FER: variants seen among roughly 807,000 people sequenced by gnomAD.
FER encodes the protein tyrosine-protein kinase Fer.
Under a neutral mutation model 111.0 loss-of-function variants are expected in FER, and 63 were observed. The observed-to-expected ratio is 0.57, with a 90% confidence interval of 0.46 to 0.70. The LOEUF is 0.70. FER is among the 30% of genes least tolerant of loss of function. The pLI is 0.00. For missense variants in FER, 914 were observed against 954.0 expected, an observed-to-expected ratio of 0.96 and a Z score of 0.55; for synonymous variants, 327 against 313.9, an observed-to-expected ratio of 1.04 and a Z score of -0.44.
At chr5:108,954,461 G>A (rs1034331463) in intron 11 of FER, among the ~76,000 whole-genome samples, 1 of 152,008 alleles carries the variant, frequency 6.6e-6, no homozygotes. Context: ...TTTAGGACAT[G>A]GTGAATAAGA....
chr5:108,972,397 G>T (rs1289906085), intron 13 of FER, among the ~76,000 whole-genome samples: 1 of 152,080 alleles, frequency 6.6e-6, no homozygotes, highest in East Asian at 1.9e-4. Context: ...ACACTTCTGA[G>T]GCAGAACATC....
intron 4 of FER, among the ~76,000 whole-genome samples, chr5:108,835,284 C>T (rs1019618447): frequency 1.4e-5 from 2 of 140,950 alleles, no homozygotes; most frequent in African/African-American, 2.6e-5. Flanking sequence ...CAGGTTCAAG[C>T]GATTCTTGTG....
intron 13 of FER, among the ~76,000 whole-genome samples, chr5:109,015,998 T>G (rs950769504): frequency 5.9e-5 from 9 of 151,942 alleles, no homozygotes; most frequent in Non-Finnish European, 1.3e-4. Flanking sequence ...TTGCTCCTCT[T>G]GGAGGACTGG....
intron 2 of FER, among the ~76,000 whole-genome samples, chr5:108,793,610 C>T (rs1755656624): frequency 6.6e-6 from 1 of 151,256 alleles, no homozygotes; most frequent in Non-Finnish European, 1.5e-5. Context: ...AACTGTTCTC[C>T]ATAGTGGTTG....
intron 14 of FER, among the ~76,000 whole-genome samples, chr5:109,041,538 T>C (rs1453051111): frequency 6.6e-6 from 1 of 152,040 alleles, no homozygotes; most frequent in Non-Finnish European, 1.5e-5. Context: ...TATACAACAT[T>C]TGCATTATTG....
Position 108,833,960 on chromosome 5 carries a change from A to G in FER, c.381+1017A>G, listed in dbSNP as rs982562147. ...ATGTTATCGAATACTTTTTGTTGAAATGCTTGTTGTTTAAATGTTTTTTTA... is the reference window on the plus strand; with the variant it reads ...ATGTTATCGAATACTTTTTGTTGAAGTGCTTGTTGTTTAAATGTTTTTTTA... On this transcript the variant is annotated intron_variant, in intron 4 of 19. Transcript: ENST00000281092. Among the ~76,000 whole-genome samples, 4 of 151,730 alleles carry G rather than the reference A, an allele frequency of 2.6e-5. No homozygotes were observed. The East Asian group carries it at 7.7e-4, about 29-fold the overall frequency.
At chr5:109,013,372 T>A (rs1370580814) in intron 13 of FER, among the ~76,000 whole-genome samples, 2 of 151,780 alleles carry the variant, frequency 1.3e-5, no homozygotes, top group African/African-American at 4.8e-5. Flanking sequence ...GAATGATGAT[T>A]TCCAATTTCA....
In FER at chr5:108,959,264, C is replaced by G. The variant is rs767227990; in HGVS notation, c.1573C>G (p.Pro525Ala). The G allele has an allele frequency of 1.9e-6, 3 of 1,611,706 alleles. No homozygotes were observed. Among genetic ancestry groups the G allele is most frequent in the East Asian group, 2.2e-5 (1 of 44,684 alleles). The part of the protein sequence containing the change: ...RFEGTGFSNI[P>A]QLIDHHYTTK... ...CGAGGGCACTGGGTTTTCAAACATT[C>G]CTCAACTTATAGATCATCACTATAC... The change falls in exon 13 of 20, where the codon CCT becomes GCT. Residue 525 changes from proline to alanine, a missense_variant. By Grantham distance (27) the Pro-to-Ala change is conservative. This residue lies in a region of FER where 774 missense variants were observed against 782.6 expected (regional missense o/e 0.99). Transcript: ENST00000281092.
intron 17 of FER, among the ~76,000 whole-genome samples, chr5:109,132,476 C>T (rs1752457880): frequency 6.6e-6 from 1 of 152,106 alleles, no homozygotes; most frequent in Non-Finnish European, 1.5e-5. Context: ...ACTTCAACCC[C>T]AGCAGGTTCT....
At chr5:109,180,463 T>G (rs1758172833) in intron 17 of FER, among the ~76,000 whole-genome samples, 1 of 152,204 alleles carries the variant, frequency 6.6e-6, no homozygotes, top group South Asian at 2.1e-4. Context: ...GCTTAGCCTC[T>G]TCTCTGTAAT....
chr5:109,113,208 A>G (rs1273134892), intron 17 of FER, among the ~76,000 whole-genome samples: 1 of 152,156 alleles, frequency 6.6e-6, no homozygotes, highest in East Asian at 1.9e-4. Flanking sequence ...GGGCTTGTTA[A>G]GTCTTTGCTG....
At chr5:108,922,126 G>A (rs1753102933) in intron 10 of FER, among the ~76,000 whole-genome samples, 2 of 152,182 alleles carry the variant, frequency 1.3e-5, no homozygotes, top group African/African-American at 2.4e-5. Flanking sequence ...GGGGCTACCA[G>A]AAGCTATAGG....
chr5:108,828,748 A>G (rs1362773717), intron 3 of FER, among the ~76,000 whole-genome samples: 1 of 152,180 alleles, frequency 6.6e-6, no homozygotes, highest in Non-Finnish European at 1.5e-5. Flanking sequence ...TTTCTGTATA[A>G]TGAAGCAATT....
At chr5:108,991,623 T>C (rs1345154952) in intron 13 of FER, among the ~76,000 whole-genome samples, 4 of 152,162 alleles carry the variant, frequency 2.6e-5, no homozygotes, top group Non-Finnish European at 5.9e-5. Context: ...AACTTTTTTT[T>C]CTGTATTTCA....
chr5:109,004,922 GTTTGT>G (rs748163022), intron 13 of FER, among the ~76,000 whole-genome samples: 1 of 151,050 alleles, frequency 6.6e-6, no homozygotes, highest in African/African-American at 2.4e-5. Flanking sequence ...TTTTTTTTAT[GTTTGT>G]TTTGTTTTGT....
intron 1 of FER, among the ~76,000 whole-genome samples, chr5:108,755,360 C>T (rs1750968714): frequency 1.3e-5 from 2 of 152,136 alleles, no homozygotes; most frequent in African/African-American, 2.4e-5. Flanking sequence ...TAGTATGTGT[C>T]CTTTCTCTGG....
At chr5:109,017,963 C>G (rs996141827) in intron 13 of FER, among the ~76,000 whole-genome samples, 5 of 151,760 alleles carry the variant, frequency 3.3e-5, no homozygotes, top group African/African-American at 9.7e-5. Context: ...TTTTCATTTT[C>G]TCTATAGATT....
At chr5:108,865,696 G>A (rs1487529585) in intron 5 of FER, among the ~76,000 whole-genome samples, 1 of 151,884 alleles carries the variant, frequency 6.6e-6, no homozygotes, top group Non-Finnish European at 1.5e-5. Flanking sequence ...TCTGACAAAG[G>A]GCTAATATCC....
intron 17 of FER, among the ~76,000 whole-genome samples, chr5:109,115,996 A>C (rs941718194): frequency 1.3e-5 from 2 of 152,120 alleles, no homozygotes; most frequent in African/African-American, 4.8e-5. Flanking sequence ...AGACATACAC[A>C]TTCAACCAGA....
Sources: gnomAD v4.1 joint callset for allele counts (sites outside exome capture counted in the v4.1 genomes callset) on GRCh38, gnomAD v4.1.1 for gene constraint, gnomAD v4.1.1 regional missense constraint, MANE v1.5 for transcripts, NCBI Gene and HGNC (gene_info 2026-07-23, HGNC 2026-07-21) for gene names.